The following GGT7 variants were observed in gnomAD, a reference collection of about 807,000 sequenced individuals.
GGT7 encodes glutathione hydrolase 7.
In GGT7, 30 loss-of-function variants were observed where a neutral mutation model predicts 69.2. The ratio of observed to expected loss-of-function variants is 0.43; its 90% CI spans 0.32 to 0.59. GGT7 has a LOEUF of 0.59. Among genes scored for constraint, GGT7 ranks in the 20% least tolerant of loss-of-function variants. The pLI, the probability that GGT7 is intolerant of heterozygous loss-of-function variation, is 0.05. For missense variants in GGT7, 733 were observed against 901.1 expected, an observed-to-expected ratio of 0.81 and a Z score of 2.39; for synonymous variants, 388 against 391.8, an observed-to-expected ratio of 0.99 and a Z score of 0.12.
intron 10 of GGT7, among the ~76,000 whole-genome samples, chr20:34,853,191 C>T (rs570561916): frequency 1.3e-5 from 2 of 152,198 alleles, no homozygotes; most frequent in Admixed American, 6.5e-5. Flanking sequence ...ATGATCCACT[C>T]ACCTCGGCCT....
At chr20:34,867,123 C>T (rs2079704229) in intron 1 of GGT7, among the ~76,000 whole-genome samples, 1 of 151,982 alleles carries the variant, frequency 6.6e-6, no homozygotes. Flanking sequence ...CAAGGTCTTG[C>T]TATGTTCCCC....
chr20:34,851,269 C>T lies in GGT7; in HGVS notation c.1687G>A (p.Ala563Thr), dbSNP rs1406138364. Reference sequence around the variant, plus strand: ...CTGAGGCCCCGCGCAGCTCCATTGGCCCCCAGAGCGAGGTAGGTTCCACAG... The same window carrying T: ...CTGAGGCCCCGCGCAGCTCCATTGGTCCCCAGAGCGAGGTAGGTTCCACAG... ...GLCGTYLALG[A>T]NGAARGLSGL... Residue 563 changes from alanine (A) to threonine (T), a missense_variant, in exon 13 of 15, where the codon GCC becomes ACC. Physicochemically the swap from Ala to Thr is moderately conservative, Grantham distance 58 (BLOSUM62 0). Transcript: ENST00000336431. The T allele has an allele frequency of 2.5e-6, 4 of 1,613,854 alleles. No homozygotes were observed. Among genetic ancestry groups the T allele is most frequent in the Admixed American group, 1.7e-5 (1 of 60,030 alleles).
chr20:34,845,112 TCACCACCAC>T lies in GGT7; in HGVS notation c.*207_*215del, dbSNP rs79530197. ...CTGGCTGTACTGTAGATGCTGACAC[TCACCACCAC>T]CACCACCACCACCACCACCACCACC... On this transcript the variant is annotated 3_prime_UTR_variant, in exon 15 of 15. Transcript: ENST00000336431. 9.6e-4 allele frequency: 374 copies of T among 389,938 alleles called. 7 individuals are homozygous for T. Among genetic ancestry groups the T allele is most frequent in the African/African-American group, 3.7e-3 (165 of 44,048 alleles). 24.2% of individuals were successfully genotyped at this position (389,938 alleles called of 1,614,324 possible).
At chr20:34,856,765 T>C in intron 8 of GGT7, 41 bp downstream of exon 8, 1 of 1,174,766 alleles carries the variant, frequency 8.5e-7, no homozygotes, top group Non-Finnish European at 1.3e-6. Context: ...ACTGGGAGGC[T>C]TCTCCTGAGG....
At chr20:34,867,478 C>G (rs979193563) in intron 1 of GGT7, among the ~76,000 whole-genome samples, 1 of 151,994 alleles carries the variant, frequency 6.6e-6, no homozygotes, top group Admixed American at 6.6e-5. Flanking sequence ...TTTGGGAGGC[C>G]GAGGTGGGAG....
rs1276798056 is a variant in GGT7, at chr20:34,845,244, C to G, written c.*84G>C. 2.3e-6 allele frequency: 3 copies of G among 1,316,738 alleles called. No homozygotes were observed. The highest frequency in any genetic ancestry group is 5.2e-5 in the East Asian group (2 of 38,714). The allele number at this position is 1,316,738 out of a possible 1,614,324, so 81.6% of individuals were successfully genotyped here. ...CCCTGATCTGGGGCATCCCTGGGGT[C>G]CCCCTGAGACCAAACCTGGGAGAAG... On this transcript the variant is annotated 3_prime_UTR_variant, in exon 15 of 15. Coordinates refer to ENST00000336431, the MANE Select transcript of GGT7 (RefSeq NM_178026.3).
intron 3 of GGT7, 25 bp from the exon 4 acceptor site, chr20:34,861,587 T>A: frequency 3.0e-6 from 4 of 1,339,056 alleles, no homozygotes; most frequent in Non-Finnish European, 4.0e-6. Flanking sequence ...GAAGGGGAAG[T>A]GTGATGATAA....
Position 34,872,765 on chromosome 20 carries a change from C to A in GGT7, c.51G>T (p.Ser17=). The A allele has an allele frequency of 6.9e-7, 1 of 1,448,630 alleles. No individual in the cohort carries two copies. Among genetic ancestry groups the A allele is most frequent in the Non-Finnish European group, 9.1e-7 (1 of 1,097,718 alleles). 89.7% of individuals were successfully genotyped at this position (1,448,630 alleles called of 1,614,324 possible). The stretch of plus-strand genomic sequence containing the variant: ...TGGTGATGCTCATGTAGTCCACTGG[C>A]GAGTAGGCGCCCAGGGCGCTCTCCT... ...ASQESALGAY[S]PVDYMSITSF... is the part of the protein sequence containing the mutation. The change falls in exon 1 of 15, where the codon TCG becomes TCT. Residue 17 remains serine (S), a synonymous_variant. Transcript: ENST00000336431.
intron 7 of GGT7, among the ~76,000 whole-genome samples, chr20:34,857,620 T>TC (rs1333648852): frequency 7.6e-6 from 1 of 132,240 alleles, no homozygotes; most frequent in Non-Finnish European, 1.7e-5. Flanking sequence ...CATTGATTTT[T>TC]TTTTTTTTTT....
chr20:34,859,710 G>C (rs2079555771), intron 6 of GGT7, 71 bp from the exon 7 acceptor site: 1 of 1,246,194 alleles, frequency 8.0e-7, no homozygotes, highest in South Asian at 1.4e-5. Context: ...CGCAATAGAT[G>C]GGGTAGATGG....
chr20:34,860,283 C>T lies in GGT7; in HGVS notation c.714G>A (p.Gly238=), dbSNP rs770508867. 4 of 1,613,732 alleles carry T rather than the reference C, an allele frequency of 2.5e-6. No individual in the cohort carries two copies. In the African/African-American group the frequency reaches 5.3e-5, roughly 22 times the overall value. The change falls in exon 5 of 15, where the codon GGG becomes GGA. Residue 238 remains glycine (G), a synonymous_variant. Transcript: ENST00000336431. ...LLVGVPGMVK[G]LHEAHQLYGR... is the part of the protein sequence containing the mutation. ...CATAGAGCTGGTGAGCTTCATGTAG[C>T]CCCTTCACCATTCCGGGAACCCCCA... is the stretch of plus-strand genomic sequence containing the variant.
chr20:34,848,952 C>G (rs573611768), intron 14 of GGT7, among the ~76,000 whole-genome samples: 39 of 152,222 alleles, frequency 2.6e-4, no homozygotes, highest in Admixed American at 4.6e-4. Context: ...AAAATTAAGC[C>G]CTTTTCTTAG....
At position 34,856,877 on chromosome 20, in the gene GGT7, C is replaced by A. The variant is rs748960122; in HGVS notation, c.1031G>T (p.Gly344Val). The A allele has an allele frequency of 6.2e-7, 1 of 1,608,126 alleles. No homozygotes were observed. Among genetic ancestry groups the A allele is most frequent in the Admixed American group, 1.7e-5 (1 of 59,940 alleles). The change falls in exon 8 of 15, where the codon GGT becomes GTT. Residue 344 changes from glycine (G) to valine (V), a missense_variant. By Grantham distance (109) the Gly-to-Val change is moderately radical. Transcript: ENST00000336431. Reference sequence around the variant, plus strand: ...GCTGAAGTCCTCTTCGGTTATGACACCCCCTGCGTGCTGAGCCTGGAGGGA... The same window carrying A: ...GCTGAAGTCCTCTTCGGTTATGACAACCCCTGCGTGCTGAGCCTGGAGGGA... Reference protein sequence around the residue: ...EMVAEAQHAGGVITEEDFSNY... With the variant: ...EMVAEAQHAGVVITEEDFSNY...
Position 34,852,055 on chromosome 20 carries a change from G to A in GGT7, c.1587+100C>T, listed in dbSNP as rs2079402852. ...CTCTTCTTTAGGCTTCCTTATACTA[G>A]AAGATTCTGGAGAAAGTAGGGAGAA... is the stretch of plus-strand genomic sequence containing the variant. On this transcript the variant is annotated intron_variant, in intron 12 of 14. Coordinates refer to ENST00000336431, the MANE Select transcript of GGT7 (RefSeq NM_178026.3). The A allele has an allele frequency of 1.7e-5, 14 of 806,386 alleles. No individual in the cohort carries two copies. In the Admixed American group the frequency reaches 1.8e-4, roughly 11 times the overall value. 50.0% of individuals were successfully genotyped at this position (806,386 alleles called of 1,614,324 possible).
At chr20:34,864,797 C>T (rs17122844) in intron 1 of GGT7, among the ~76,000 whole-genome samples, 36,853 of 151,136 alleles carry the variant, frequency 0.24, 4,740 homozygotes, top group South Asian at 0.37. Context: ...ACCCTAAGGA[C>T]TATGGGAGGT....
At chr20:34,865,993 GATA>G (rs2146927575) in intron 1 of GGT7, among the ~76,000 whole-genome samples, 2 of 152,288 alleles carry the variant, frequency 1.3e-5, no homozygotes, top group South Asian at 4.1e-4. Context: ...AAGTCTATGT[GATA>G]ATATTAAAAA....
intron 13 of GGT7, among the ~76,000 whole-genome samples, chr20:34,850,492 A>C (rs1261286740): frequency 6.6e-6 from 1 of 152,178 alleles, no homozygotes; most frequent in Non-Finnish European, 1.5e-5. Flanking sequence ...AAGGTACTTG[A>C]CCTAAAGTCT....
chr20:34,856,520 C>T (rs1401077048), intron 8 of GGT7, among the ~76,000 whole-genome samples: 3 of 152,212 alleles, frequency 2.0e-5, no homozygotes, highest in Admixed American at 2.0e-4. Context: ...AGAGGCAACA[C>T]AGAGCCCAAA....
chr20:34,869,163 A>ATAT (rs1555876554), intron 1 of GGT7, among the ~76,000 whole-genome samples: 34 of 149,912 alleles, frequency 2.3e-4, no homozygotes, highest in African/African-American at 7.4e-4. Flanking sequence ...TAAATAAATA[A>ATAT]ATATATATAT....
Sources: gnomAD v4.1 joint callset for allele counts (sites outside exome capture counted in the v4.1 genomes callset) on GRCh38, gnomAD v4.1.1 for gene constraint, MANE v1.5 for transcripts, NCBI Gene and HGNC (gene_info 2026-07-23, HGNC 2026-07-21) for gene names.